Variants in ZFTRAF1 observed in about 807,000 individuals in gnomAD.
ZFTRAF1 encodes the protein zinc finger TRAF-type-containing protein 1.
At chr8:144,453,145 G>C in the ZFTRAF1 span, 1 of 1,316,450 alleles carries the variant, frequency 7.6e-7, no homozygotes. Flanking sequence ...ACCCTGCACA[G>C]GGCCCTGCTG....
the ZFTRAF1 span, among the ~76,000 whole-genome samples, chr8:144,459,211 C>T: frequency 6.6e-6 from 1 of 152,224 alleles, no homozygotes; most frequent in Non-Finnish European, 1.5e-5. Context: ...GCCACACTGC[C>T]CTCGGGCCGC....
At chr8:144,457,106 T>A in the ZFTRAF1 span, 1 of 149,858 alleles carries the variant, frequency 6.7e-6, no homozygotes, top group African/African-American at 2.5e-5. Context: ...ACAGAGGTGA[T>A]ACCACAGGGG....
the ZFTRAF1 span, among the ~76,000 whole-genome samples, chr8:144,459,493 C>T: frequency 6.6e-6 from 1 of 152,272 alleles, no homozygotes; most frequent in African/African-American, 2.4e-5. Flanking sequence ...ATGAGGGCCT[C>T]AGTCTGACAC....
At chr8:144,462,615 C>G in the ZFTRAF1 span, 1 of 142,856 alleles carries the variant, frequency 7.0e-6, no homozygotes, top group Non-Finnish European at 1.6e-5. Flanking sequence ...GCGGGCCCCG[C>G]GGCCGGGCCG....
chr8:144,460,213 G>C, the ZFTRAF1 span, among the ~76,000 whole-genome samples: 1 of 152,190 alleles, frequency 6.6e-6, no homozygotes, highest in Non-Finnish European at 1.5e-5. Flanking sequence ...GGAAGTCACT[G>C]AACAGAGCCC....
chr8:144,461,655 T>C, the ZFTRAF1 span, among the ~76,000 whole-genome samples: 1 of 152,138 alleles, frequency 6.6e-6, no homozygotes, highest in Admixed American at 6.5e-5. Context: ...CTGGAGAAGG[T>C]ACCCAAACTG....
the ZFTRAF1 span, among the ~76,000 whole-genome samples, chr8:144,460,720 T>C: frequency 6.6e-6 from 1 of 152,086 alleles, no homozygotes; most frequent in African/African-American, 2.4e-5. Flanking sequence ...CCGTCTCTAC[T>C]AAAAAATACA....
chr8:144,453,391 C>G, the ZFTRAF1 span: 1 of 1,551,198 alleles, frequency 6.4e-7, no homozygotes, highest in Non-Finnish European at 8.7e-7. Context: ...GTGGCCTGCT[C>G]CTCCTTCAGC....
chr8:144,457,307 T>G, the ZFTRAF1 span: 1 of 152,190 alleles, frequency 6.6e-6, no homozygotes, highest in Non-Finnish European at 1.5e-5. Context: ...TAATATGACC[T>G]TGGGCTCCCC....
At chr8:144,451,786 C>T in the ZFTRAF1 span, 9 of 180,244 alleles carry the variant, frequency 5.0e-5, no homozygotes, top group African/African-American at 1.2e-4. Context: ...AGTGTGCCTG[C>T]GCACGCATCC....
the ZFTRAF1 span, among the ~76,000 whole-genome samples, chr8:144,461,839 C>T: frequency 6.6e-6 from 1 of 151,958 alleles, no homozygotes; most frequent in Non-Finnish European, 1.5e-5. Flanking sequence ...GTGTGGCTGC[C>T]GGAAGAATGG....
chr8:144,457,712 A>G, the ZFTRAF1 span: 1 of 152,310 alleles, frequency 6.6e-6, no homozygotes, highest in Admixed American at 6.5e-5. Flanking sequence ...CCCTGACCCC[A>G]TCCCCTGGCT....
chr8:144,458,263 G>A, the ZFTRAF1 span, among the ~76,000 whole-genome samples: 2 of 152,164 alleles, frequency 1.3e-5, no homozygotes, highest in African/African-American at 2.4e-5. Flanking sequence ...CCCCAGAGTC[G>A]GGCCCACATT....
At chr8:144,456,640 C>G in the ZFTRAF1 span, 12 of 152,196 alleles carry the variant, frequency 7.9e-5, no homozygotes, top group Admixed American at 1.3e-4. Flanking sequence ...GGGATGACAT[C>G]ATGGGCGAGA....
chr8:144,461,340 T>G, the ZFTRAF1 span, among the ~76,000 whole-genome samples: 1 of 151,282 alleles, frequency 6.6e-6, no homozygotes, highest in Admixed American at 6.6e-5. Flanking sequence ...GACTGGGGAG[T>G]TGAAAGAGAG....
chr8:144,454,989 T>C, the ZFTRAF1 span: 1 of 152,294 alleles, frequency 6.6e-6, no homozygotes, highest in Non-Finnish European at 1.5e-5. Context: ...CACCACCCGT[T>C]ACCTGCATTC....
At chr8:144,453,406 C>T in the ZFTRAF1 span, 3 of 1,551,088 alleles carry the variant, frequency 1.9e-6, no homozygotes, top group Non-Finnish European at 1.7e-6. Flanking sequence ...TTCAGCCGGG[C>T]ATCTGCTAGT....
chr8:144,451,011 C>G, the ZFTRAF1 span: 1 of 523,808 alleles, frequency 1.9e-6, no homozygotes, highest in Non-Finnish European at 3.4e-6. Flanking sequence ...AGTCCAGAGG[C>G]TGCACGTGTC....
the ZFTRAF1 span, chr8:144,457,178 T>G: frequency 9.5e-4 from 143 of 150,248 alleles, 1 homozygote; most frequent in African/African-American, 3.4e-3. Context: ...AGGGGAATGA[T>G]GTCATGGGGG....
Sources: gnomAD v4.1 joint callset for allele counts (sites outside exome capture counted in the v4.1 genomes callset) on GRCh38, gnomAD v4.1.1 for gene constraint, MANE v1.5 for transcripts, NCBI Gene and HGNC (gene_info 2026-07-23, HGNC 2026-07-21) for gene names.